Variants in MINDY2 observed in about 807,000 individuals in gnomAD.
MINDY2 encodes ubiquitin carboxyl-terminal hydrolase MINDY-2.
A neutral mutation model predicts 68.2 loss-of-function variants in MINDY2; 52 were observed. That is an observed-to-expected ratio of 0.76 (90% CI 0.61 to 0.96). The LOEUF is 0.96. Among genes scored for constraint, MINDY2 ranks in the 40% least tolerant of loss-of-function variants. The pLI, the probability that MINDY2 is intolerant of heterozygous loss-of-function variation, is 0.00. For missense variants in MINDY2, 881 were observed against 773.4 expected (o/e 1.14, Z -1.65); for synonymous variants, 372 against 303.0 (o/e 1.23, Z -2.36).
chr15:58,795,144 C>A (rs1334509578), intron 2 of MINDY2, among the ~76,000 whole-genome samples: 3 of 151,530 alleles, frequency 2.0e-5, no homozygotes, highest in African/African-American at 7.3e-5. Context: ...CTACTGCACT[C>A]CAGCCTGGGC....
intron 1 of MINDY2, among the ~76,000 whole-genome samples, chr15:58,786,161 TTTTAC>T (rs1192773914): frequency 3.3e-5 from 5 of 152,226 alleles, no homozygotes; most frequent in African/African-American, 1.2e-4. Context: ...TAAAAACTTA[TTTTAC>T]TTGTTGATTA....
intron 2 of MINDY2, among the ~76,000 whole-genome samples, chr15:58,798,600 C>T (rs1902440030): frequency 6.6e-6 from 1 of 152,008 alleles, no homozygotes; most frequent in Non-Finnish European, 1.5e-5. Context: ...GGATTACAAG[C>T]GCCTGCCACC....
chr15:58,830,646 T>A (rs634116), intron 5 of MINDY2, among the ~76,000 whole-genome samples: 2 of 152,206 alleles, frequency 1.3e-5, no homozygotes, highest in African/African-American at 4.8e-5. Context: ...ATAAGGCACA[T>A]CACAGCCTTT....
chr15:58,771,365 T>C lies in MINDY2; in HGVS notation c.-31T>C, dbSNP rs1900366457. ...GCTGGCTGCGGAGAAGTGGCCGCGG[T>C]CTCCATAGAGCTGGGGGCGGGCGGC... is the stretch of plus-strand genomic sequence containing the variant. On this transcript the variant is annotated 5_prime_UTR_variant, in exon 1 of 9. Coordinates refer to ENST00000559228, the MANE Select transcript of MINDY2 (RefSeq NM_001040450.3). 1.9e-6 allele frequency: 3 copies of C among 1,582,650 alleles called. No homozygotes were observed. The highest frequency in any genetic ancestry group is 2.6e-6 in the Non-Finnish European group (3 of 1,166,878).
In MINDY2 at chr15:58,858,012, AAGCAAGTTTTCATGACCTC is replaced by A. The variant is rs1334516582; in HGVS notation, c.*3403_*3421del. The A allele has an allele frequency of 6.6e-6, 1 of 152,208 alleles. No individual in the cohort carries two copies. Among genetic ancestry groups the A allele is most frequent in the Non-Finnish European group, 1.5e-5 (1 of 68,032 alleles). The allele number at this position is 152,208 out of a possible 1,614,324, so 9.4% of individuals were successfully genotyped here. Reference sequence around the variant, plus strand: ...AGTACTTTACATATGTGTGTTTCTGAAGCAAGTTTTCATGACCTCTGTTAGATTCTCAAAAGAATTCAGA... The same window carrying A: ...AGTACTTTACATATGTGTGTTTCTGATGTTAGATTCTCAAAAGAATTCAGA... On this transcript the variant is annotated 3_prime_UTR_variant, in exon 9 of 9. Transcript: ENST00000559228.
At chr15:58,808,400 C>G (rs1882151383) in intron 3 of MINDY2, among the ~76,000 whole-genome samples, 2 of 152,128 alleles carry the variant, frequency 1.3e-5, no homozygotes, top group Non-Finnish European at 1.5e-5. Flanking sequence ...TTGGCAACCA[C>G]TGATCTTTTT....
intron 5 of MINDY2, among the ~76,000 whole-genome samples, chr15:58,825,679 C>T (rs1289286021): frequency 1.3e-5 from 2 of 152,146 alleles, no homozygotes; most frequent in Non-Finnish European, 2.9e-5. Context: ...AATTTTGGCT[C>T]ACTGCAACCT....
chr15:58,776,182 A>G (rs1900758842), intron 1 of MINDY2, among the ~76,000 whole-genome samples: 3 of 152,212 alleles, frequency 2.0e-5, no homozygotes, highest in Non-Finnish European at 2.9e-5. Context: ...AGTACTACAT[A>G]GAGTAAATAT....
chr15:58,796,861 C>G (rs1902318446), intron 2 of MINDY2, among the ~76,000 whole-genome samples: 2 of 152,158 alleles, frequency 1.3e-5, no homozygotes, highest in South Asian at 4.1e-4. Flanking sequence ...TAATGAGTTA[C>G]ATGTATTTCT....
Position 58,859,662 on chromosome 15 carries a change from A to G in MINDY2, c.*5052A>G, listed in dbSNP as rs922932109. On this transcript the variant is annotated 3_prime_UTR_variant, in exon 9 of 9. Coordinates refer to ENST00000559228, the MANE Select transcript of MINDY2 (RefSeq NM_001040450.3). Reference sequence around the variant, plus strand: ...CAAATTGCAAAATAGCGATAATGGCATGGGAGAGGCCAGATGCAGGACTCT... The same window carrying G: ...CAAATTGCAAAATAGCGATAATGGCGTGGGAGAGGCCAGATGCAGGACTCT... 6.6e-6 allele frequency: 1 copy of G among 152,210 alleles called. No individual in the cohort carries two copies. Among genetic ancestry groups the G allele is most frequent in the Admixed American group, 6.5e-5 (1 of 15,278 alleles). The allele number at this position is 152,210 out of a possible 1,614,324, so 9.4% of individuals were successfully genotyped here.
rs1311858077 is a variant in MINDY2, at chr15:58,778,780, C to T, written c.840+6545C>T. Among the ~76,000 whole-genome samples the T allele has an allele frequency of 8.0e-5, 12 of 150,472 alleles. No homozygotes were observed. The East Asian group carries it at 2.3e-3, about 29-fold the overall frequency. ...TAGCTGGGACCACAGGTGTGTGCTACCATGCCCACCTAATTTTTTTTCTTT... is the reference window on the plus strand; with the variant it reads ...TAGCTGGGACCACAGGTGTGTGCTATCATGCCCACCTAATTTTTTTTCTTT... On this transcript the variant is annotated intron_variant, in intron 1 of 8. Coordinates refer to ENST00000559228, the MANE Select transcript of MINDY2 (RefSeq NM_001040450.3).
intron 6 of MINDY2, among the ~76,000 whole-genome samples, chr15:58,846,937 C>A (rs1294549199): frequency 1.4e-4 from 21 of 151,984 alleles, no homozygotes; most frequent in African/African-American, 5.1e-4. Context: ...AAACAGGCAA[C>A]ATGGTATCAT....
chr15:58,809,810 C>T lies in MINDY2; in HGVS notation c.964-420C>T, dbSNP rs144929323. Among the ~76,000 whole-genome samples the T allele has an allele frequency of 4.1e-3, 620 of 152,332 alleles. 4 individuals carry two copies. Among genetic ancestry groups the T allele is most frequent in the African/African-American group, 0.014 (589 of 41,572 alleles). On this transcript the variant is annotated intron_variant, in intron 3 of 8. Transcript: ENST00000559228. The stretch of plus-strand genomic sequence containing the variant: ...TGTTTCGTTTTTTGAGACAGAGTCT[C>T]GCTCTGTTGACCAGGCTGGAATGCA...
intron 6 of MINDY2, among the ~76,000 whole-genome samples, chr15:58,843,243 G>C (rs1392151955): frequency 6.6e-6 from 1 of 152,070 alleles, no homozygotes; most frequent in African/African-American, 2.4e-5. Flanking sequence ...TCTATCTCTT[G>C]GGTTCAAGCG....
At chr15:58,782,695 C>G (rs1277658680) in intron 1 of MINDY2, among the ~76,000 whole-genome samples, 1 of 151,710 alleles carries the variant, frequency 6.6e-6, no homozygotes, top group East Asian at 1.9e-4. Context: ...TGATAATTGG[C>G]TTTGGTAATT....
intron 3 of MINDY2, among the ~76,000 whole-genome samples, chr15:58,805,251 G>A (rs371008771): frequency 6.6e-6 from 1 of 152,126 alleles, no homozygotes; most frequent in African/African-American, 2.4e-5. Flanking sequence ...ATATGGCTGG[G>A]CTGAGTCTAA....
intron 6 of MINDY2, among the ~76,000 whole-genome samples, chr15:58,834,487 A>G (rs2031899350): frequency 6.6e-6 from 1 of 152,190 alleles, no homozygotes; most frequent in Admixed American, 6.6e-5. Flanking sequence ...AAAACTGCCA[A>G]TCCTCAGAAC....
At chr15:58,812,134 G>A (rs1438224664) in intron 4 of MINDY2, among the ~76,000 whole-genome samples, 1 of 152,146 alleles carries the variant, frequency 6.6e-6, no homozygotes, top group African/African-American at 2.4e-5. Context: ...TCACATGCCA[G>A]TGTAAGAAAT....
chr15:58,782,637 T>C (rs1183820333), intron 1 of MINDY2, among the ~76,000 whole-genome samples: 1 of 152,194 alleles, frequency 6.6e-6, no homozygotes, highest in African/African-American at 2.4e-5. Context: ...GTATAAGATT[T>C]CATTGAGTGG....
Sources: allele counts gnomAD v4.1 joint callset (sites outside exome capture counted in the v4.1 genomes callset), GRCh38; gene constraint gnomAD v4.1.1; transcripts MANE v1.5; gene names NCBI Gene and HGNC (gene_info 2026-07-23, HGNC 2026-07-21).